The following ACLY variants were observed in gnomAD, a reference collection of about 807,000 sequenced individuals.
ACLY encodes ATP citrate lyase.
Under a neutral mutation model 133.0 loss-of-function variants are expected in ACLY, and 41 were observed. The ratio of observed to expected loss-of-function variants is 0.31; its 90% CI spans 0.24 to 0.40. ACLY has a LOEUF of 0.40. Ranked by LOEUF, ACLY falls within the 10% of genes least tolerant of loss-of-function variation. The probability of loss-of-function intolerance (pLI) is 1.00; values close to 1 mark genes in which losing one functional copy is unlikely to be tolerated. For missense variants in ACLY, 1,046 were observed against 1,453.8 expected, an observed-to-expected ratio of 0.72 and a Z score of 4.56; for synonymous variants, 495 against 549.3, an observed-to-expected ratio of 0.90 and a Z score of 1.38.
chr17:41,912,302 C>G, intron 3 of ACLY, 118 bp downstream of exon 3: 6 of 1,408,300 alleles, frequency 4.3e-6, no homozygotes, highest in Non-Finnish European at 5.8e-6. Context: ...AGGACTCCTG[C>G]CTTCCCTGAG....
intron 7 of ACLY, 104 bp from the exon 8 acceptor site, chr17:41,906,750 C>T: frequency 9.5e-7 from 1 of 1,056,980 alleles, no homozygotes. Context: ...TGAAAAGGTG[C>T]CTTAATGGGG....
Position 41,918,907 on chromosome 17 carries a change from C to T in ACLY, c.-51G>A. 7.8e-7 allele frequency: 1 copy of T among 1,288,854 alleles called. No homozygotes were observed. Among genetic ancestry groups the T allele is most frequent in the Non-Finnish European group, 1.0e-6 (1 of 988,528 alleles). The allele number at this position is 1,288,854 out of a possible 1,614,324, so 79.8% of individuals were successfully genotyped here. A position where few individuals can be genotyped will look rare whatever the true frequency, so the allele number is the denominator to read the frequency against. ...CTGCCGAAGTCCGTGCGCGGCGCTT[C>T]TTCCACAGGCCCGACGAACCCCGCA... On this transcript the variant is annotated 5_prime_UTR_variant, in exon 1 of 29. Transcript: ENST00000352035.
Position 41,884,240 on chromosome 17 carries a change from G to A in ACLY, c.2107C>T (p.Arg703Cys), listed in dbSNP as rs782444196. The A allele has an allele frequency of 2.6e-5, 42 of 1,612,306 alleles. No individual in the cohort carries two copies. The highest frequency in any genetic ancestry group is 2.4e-4 in the South Asian group (22 of 91,044). The change falls in exon 19 of 29, where the codon CGC becomes TGC. Residue 703 changes from arginine (R) to cysteine (C), a missense_variant. Arg to Cys is a radical substitution (Grantham distance 180). This residue lies in a region of ACLY where 575 missense variants were observed against 804.2 expected (regional missense o/e 0.71). Transcript: ENST00000352035. ...TTGACTCCTGGAGTGTCCTGATAGC[G>A]TAACACATGATCCATGAATGTGGAG... ...PGSTFMDHVL[R>C]YQDTPGVKMI...
intron 1 of ACLY, 137 bp from the exon 2 acceptor site, chr17:41,914,033 TG>T: frequency 1.2e-6 from 1 of 830,520 alleles, no homozygotes; most frequent in Non-Finnish European, 1.9e-6. Context: ...AAGGAAAAAA[TG>T]CTGTCCCAGC....
chr17:41,875,641 G>A (rs1418325398), intron 22 of ACLY, among the ~76,000 whole-genome samples: 3 of 152,060 alleles, frequency 2.0e-5, no homozygotes, highest in Non-Finnish European at 4.4e-5. Context: ...ACGGGGTTTC[G>A]CTGTGTTGGC....
chr17:41,925,448 A>C (rs1415199043), intron 1 of ACLY, among the ~76,000 whole-genome samples: 223 of 151,204 alleles, frequency 1.5e-3, no homozygotes, highest in Non-Finnish European at 2.3e-3. Context: ...AAAAAAAAAA[A>C]AAAAACCCAA....
At chr17:41,923,824 G>T (rs1055233301), upstream of ACLY, among the ~76,000 whole-genome samples, 1 of 152,088 alleles carries the variant, frequency 6.6e-6, no homozygotes, top group Non-Finnish European at 1.5e-5. Flanking sequence ...TTGTTTGTTT[G>T]TTTTGAGAGG....
chr17:41,878,228 G>A, intron 21 of ACLY, 32 bp from the exon 22 acceptor site: 1 of 1,486,660 alleles, frequency 6.7e-7, no homozygotes. Flanking sequence ...ACATCCATGT[G>A]GATTTTCTTA....
chr17:41,920,871 G>A (rs2050171694), upstream of ACLY, among the ~76,000 whole-genome samples: 1 of 152,124 alleles, frequency 6.6e-6, no homozygotes, highest in Non-Finnish European at 1.5e-5. Context: ...AGACCAGCCT[G>A]GCCAACAGGT....
chr17:41,902,688 A>C (rs1417489951), intron 10 of ACLY, among the ~76,000 whole-genome samples: 2 of 152,238 alleles, frequency 1.3e-5, no homozygotes, highest in Non-Finnish European at 2.9e-5. Context: ...CTCCAAACCA[A>C]GTGCCCTAAC....
intron 19 of ACLY, 50 bp downstream of exon 19, chr17:41,884,143 T>C (rs2048990759): frequency 8.9e-7 from 1 of 1,126,114 alleles, no homozygotes; most frequent in Non-Finnish European, 1.3e-6. Flanking sequence ...AAAACTGAGA[T>C]CATGCATTAC....
Position 41,898,793 on chromosome 17 carries a change from G to C in ACLY, c.1184-8C>G. ...GGATCCCAGTGGTCTTCCCTGCAAG[G>C]GAAGGAAAAAAAAATCCATAATTCA... On this transcript the variant is annotated splice_polypyrimidine_tract_variant and splice_region_variant and intron_variant, in intron 11 of 28. Coordinates refer to ENST00000352035, the MANE Select transcript of ACLY (RefSeq NM_001096.3). 1 of 1,608,044 alleles carries C rather than the reference G, an allele frequency of 6.2e-7. No homozygotes were observed. The highest frequency in any genetic ancestry group is 1.3e-5 in the African/African-American group (1 of 74,536).
intron 11 of ACLY, among the ~76,000 whole-genome samples, chr17:41,900,997 C>T (rs2049522109): frequency 6.6e-6 from 1 of 151,924 alleles, no homozygotes; most frequent in South Asian, 2.1e-4. Flanking sequence ...CTCTGTCACC[C>T]AGGCTGGAGT....
intron 22 of ACLY, among the ~76,000 whole-genome samples, chr17:41,875,428 G>GTCTCCC (rs782483951): frequency 0.085 from 12,311 of 145,458 alleles, 735 homozygotes; most frequent in Non-Finnish European, 0.11. Flanking sequence ...TCTCCCCACG[G>GTCTCCC]TCTCCCTCTC....
upstream of ACLY, among the ~76,000 whole-genome samples, chr17:41,921,558 G>A (rs2050184247): frequency 6.6e-6 from 1 of 152,002 alleles, no homozygotes; most frequent in African/African-American, 2.4e-5. Flanking sequence ...TGGGAGGCCA[G>A]GTGCATAGGC....
intron 1 of ACLY, among the ~76,000 whole-genome samples, chr17:41,926,649 C>T (rs1316405694): frequency 6.6e-6 from 1 of 151,268 alleles, no homozygotes; most frequent in Non-Finnish European, 1.5e-5. Context: ...CCACCATGTC[C>T]GGCTAATTTT....
At chr17:41,873,990 A>G in intron 22 of ACLY, 25 bp from the exon 23 acceptor site, 1 of 1,572,590 alleles carries the variant, frequency 6.4e-7, no homozygotes, top group Non-Finnish European at 8.7e-7. Flanking sequence ...GGAAGAGGGA[A>G]GCAGGGCCCT....
intron 23 of ACLY, among the ~76,000 whole-genome samples, chr17:41,873,327 G>A (rs1555625436): frequency 6.6e-6 from 1 of 152,040 alleles, no homozygotes; most frequent in African/African-American, 2.4e-5. Flanking sequence ...TTACAGGCGT[G>A]CACCACTATG....
Position 41,875,606 on chromosome 17 carries a change from T to A in ACLY, c.2488-1641A>T, listed in dbSNP as rs552325945. 2.8e-3 allele frequency among the ~76,000 whole-genome samples: 428 copies of A among 152,296 alleles called. 1 individual carries two copies. Among genetic ancestry groups the A allele is most frequent in the African/African-American group, 9.8e-3 (406 of 41,586 alleles). ...GCAGGCGCGCGCCGCCACGCCTGAC[T>A]GGTTTTCGTATTTTTTTGGTGGAGA... On this transcript the variant is annotated intron_variant, in intron 22 of 28. Transcript: ENST00000352035.
Sources: allele counts gnomAD v4.1 joint callset (sites outside exome capture counted in the v4.1 genomes callset), GRCh38; gene constraint gnomAD v4.1.1; regional missense constraint gnomAD v4.1.1; transcripts MANE v1.5; gene names NCBI Gene and HGNC (gene_info 2026-07-23, HGNC 2026-07-21).